PIP5K1C: variants seen among roughly 807,000 people sequenced by gnomAD.
PIP5K1C encodes the protein phosphatidylinositol-4-phosphate 5-kinase type 1 gamma, also known as phosphatidylinositol 4-phosphate 5-kinase type-1 gamma.
A neutral mutation model predicts 80.1 loss-of-function variants in PIP5K1C; 45 were observed. That is an observed-to-expected ratio of 0.56 (90% CI 0.44 to 0.72). PIP5K1C has a LOEUF of 0.72. Among genes scored for constraint, PIP5K1C ranks in the 30% least tolerant of loss-of-function variants. The pLI is 0.00. For synonymous variants in PIP5K1C, 498 were observed against 420.1 expected, an observed-to-expected ratio of 1.19 and a Z score of -2.27; for missense variants, 753 against 954.6, an observed-to-expected ratio of 0.79 and a Z score of 2.78.
chr19:3,679,540 G>A (rs901247190), intron 1 of PIP5K1C, among the ~76,000 whole-genome samples: 3 of 152,180 alleles, frequency 2.0e-5, no homozygotes, highest in African/African-American at 4.8e-5. Flanking sequence ...CTCGTTCACG[G>A]TTGCTCTCCC....
chr19:3,653,241 C>T (rs374049120), intron 7 of PIP5K1C, 49 bp downstream of exon 7: 23 of 1,565,600 alleles, frequency 1.5e-5, no homozygotes, highest in Admixed American at 5.0e-5. Context: ...GCCCTCACCA[C>T]GCAGTCCCAC....
chr19:3,664,150 A>G (rs1239928059), intron 3 of PIP5K1C, among the ~76,000 whole-genome samples: 3 of 152,300 alleles, frequency 2.0e-5, no homozygotes, highest in African/African-American at 7.2e-5. Context: ...TTCCACTTCT[A>G]TGACACGTCC....
intron 1 of PIP5K1C, among the ~76,000 whole-genome samples, chr19:3,686,219 C>T (rs576106161): frequency 6.6e-6 from 1 of 152,050 alleles, no homozygotes; most frequent in African/African-American, 2.4e-5. Context: ...TGACTGACAC[C>T]GGTAATCCTA....
Position 3,700,345 on chromosome 19 carries a change from C to G in PIP5K1C, c.46G>C (p.Ala16Pro). Residue 16 changes from alanine (A) to proline (P), a missense_variant, in exon 1 of 18, where the codon GCC becomes CCC. Transcript: ENST00000335312. Reference protein sequence around the residue: ...PDEAESAEAGAVPSEAAWAAE... With the variant: ...PDEAESAEAGPVPSEAAWAAE... The stretch of plus-strand genomic sequence containing the variant: ...GCCCACGCCGCCTCCGAGGGCACGG[C>G]CCCCGCCTCAGCGCTCTCCGCCTCG... The G allele has an allele frequency of 7.7e-7, 1 of 1,295,470 alleles. No individual in the cohort carries two copies. Among genetic ancestry groups the G allele is most frequent in the African/African-American group, 1.6e-5 (1 of 63,794 alleles). 80.2% of individuals were successfully genotyped at this position (1,295,470 alleles called of 1,614,324 possible).
chr19:3,647,379 T>C lies in PIP5K1C; in HGVS notation c.1219A>G (p.Lys407Glu), dbSNP rs868107431. ...IDILQSYRFIKKLEHTWKALV... is the reference protein window; with the variant it reads ...IDILQSYRFIEKLEHTWKALV... ...GCCTTCCAGGTGTGCTCCAGTTTCT[T>C]GATGAACCTGTGGAGAGAGCACCCG... is the stretch of plus-strand genomic sequence containing the variant. Residue 407 changes from lysine (K) to glutamate (E), a missense_variant, in exon 10 of 18, where the codon AAG (lysine) becomes GAG (glutamate). By Grantham distance (56) the Lys-to-Glu change is moderately conservative (BLOSUM62 1). Around this residue, in one of 6 missense-constraint regions of PIP5K1C, gnomAD observed 114 missense variants for 152.4 expected, o/e 0.75. Coordinates refer to ENST00000335312, the MANE Select transcript of PIP5K1C (RefSeq NM_012398.3). The C allele has an allele frequency of 6.3e-7, 1 of 1,583,354 alleles. No homozygotes were observed. Among genetic ancestry groups the C allele is most frequent in the Non-Finnish European group, 8.6e-7 (1 of 1,163,720 alleles).
chr19:3,653,890 G>A (rs775714855), intron 6 of PIP5K1C, among the ~76,000 whole-genome samples: 1 of 152,206 alleles, frequency 6.6e-6, no homozygotes, highest in African/African-American at 2.4e-5. Flanking sequence ...CACAGACATC[G>A]CCCTGGCTGG....
intron 16 of PIP5K1C, chr19:3,636,974 A>C: frequency 2.0e-6 from 2 of 1,021,542 alleles, no homozygotes; most frequent in Admixed American, 5.1e-5. Context: ...CTGGATTTTG[A>C]CTAAACCGTG....
At position 3,682,898 on chromosome 19, in the gene PIP5K1C, G is replaced by A. The variant is rs149403564; in HGVS notation, c.95-15545C>T. Among the ~76,000 whole-genome samples, 702 of 151,882 alleles carry A rather than the reference G, an allele frequency of 4.6e-3. 4 individuals carry two copies. The highest frequency in any genetic ancestry group is 5.1e-3 in the Non-Finnish European group (348 of 67,946). On this transcript the variant is annotated intron_variant, in intron 1 of 17. Transcript: ENST00000335312. ...GGTCACAGATGTTGCCTCAATGAAC[G>A]TTTGCTGGACAGAGGCCCAGATGGA...
intron 12 of PIP5K1C, 69 bp from the exon 13 acceptor site, chr19:3,643,450 G>C: frequency 6.3e-7 from 1 of 1,592,604 alleles, no homozygotes; most frequent in Non-Finnish European, 8.6e-7. Flanking sequence ...GATTCTCCCT[G>C]AGGCTTGGCT....
chr19:3,671,765 G>A (rs1030753780), intron 1 of PIP5K1C, among the ~76,000 whole-genome samples: 1 of 152,180 alleles, frequency 6.6e-6, no homozygotes, highest in Non-Finnish European at 1.5e-5. Context: ...GGGCAGGTGA[G>A]CGCCATCTTC....
intron 1 of PIP5K1C, among the ~76,000 whole-genome samples, chr19:3,687,789 C>A (rs149907525): frequency 6.6e-6 from 1 of 152,176 alleles, no homozygotes; most frequent in South Asian, 2.1e-4. Flanking sequence ...TTCTCCCTGC[C>A]GGGTGCTCCC....
At chr19:3,674,747 C>T (rs897963360) in intron 1 of PIP5K1C, among the ~76,000 whole-genome samples, 13 of 152,170 alleles carry the variant, frequency 8.5e-5, no homozygotes, top group African/African-American at 1.4e-4. Context: ...GTGATCTGCC[C>T]GCCTTGGCCT....
At chr19:3,653,762 C>T (rs1021664263) in intron 6 of PIP5K1C, among the ~76,000 whole-genome samples, 173 bp from the exon 7 acceptor site, 2 of 152,192 alleles carry the variant, frequency 1.3e-5, no homozygotes, top group African/African-American at 4.8e-5. Flanking sequence ...GGCCTTCCCA[C>T]GGCACCCTGA....
Position 3,651,955 on chromosome 19 carries a change from C to G in PIP5K1C, c.998G>C (p.Arg333Pro). ...GGTGCTCTGGGCGCCCTGCGCCTGC[C>G]GCTCGCGCTCGTGCTGGTCGATGTT... Reference protein sequence around the residue: ...VHNIDQHERERQAQGAQSTSD... With the variant: ...VHNIDQHEREPQAQGAQSTSD... The change falls in exon 8 of 18, where the codon CGG becomes CCG. Residue 333 changes from arginine (R) to proline (P), a missense_variant. By Grantham distance (103) the Arg-to-Pro change is moderately radical (BLOSUM62 -2). Coordinates refer to ENST00000335312, the MANE Select transcript of PIP5K1C (RefSeq NM_012398.3). 1 of 1,613,048 alleles carries G rather than the reference C, an allele frequency of 6.2e-7. No homozygotes were observed.
intron 5 of PIP5K1C, among the ~76,000 whole-genome samples, chr19:3,657,668 C>G (rs2034682018): frequency 6.6e-6 from 1 of 151,950 alleles, no homozygotes; most frequent in East Asian, 1.9e-4. Flanking sequence ...TCACCCAGCA[C>G]TCTGTAATCC....
intron 5 of PIP5K1C, among the ~76,000 whole-genome samples, chr19:3,659,960 T>A (rs1001401396): frequency 3.9e-5 from 6 of 152,158 alleles, no homozygotes; most frequent in African/African-American, 1.4e-4. Flanking sequence ...CGCACTTGTC[T>A]ACAGAGTTCC....
chr19:3,636,575 C>A (rs959849642), intron 16 of PIP5K1C: 5 of 985,470 alleles, frequency 5.1e-6, no homozygotes, highest in East Asian at 1.1e-4. Context: ...TCCCAGCAGG[C>A]CCCTCTGGGC....
chr19:3,644,380 G>A, intron 11 of PIP5K1C, 129 bp from the exon 12 acceptor site: 3 of 906,344 alleles, frequency 3.3e-6, no homozygotes, highest in Non-Finnish European at 3.3e-6. Flanking sequence ...CCTGAGGCCA[G>A]GAAGCACCAC....
rs913263980 is a variant in PIP5K1C at position 3,696,274 on chromosome 19, C to A, written c.94+4023G>T. 1.3e-5 allele frequency among the ~76,000 whole-genome samples: 2 copies of A among 152,258 alleles called. No individual in the cohort carries two copies. The highest frequency in any genetic ancestry group is 6.5e-5 in the Admixed American group (1 of 15,290). On this transcript the variant is annotated intron_variant, in intron 1 of 17. Transcript: ENST00000335312. This position sits in a 1 kb window ranked among gnomAD's most constrained non-coding sequence, Gnocchi z 4.1. The stretch of plus-strand genomic sequence containing the variant: ...CCTCCCTGGCACTGCTGGCCTCATG[C>A]ACCTGATGTTCACCAGGATCTGCAC...
Sources: allele counts gnomAD v4.1 joint callset (sites outside exome capture counted in the v4.1 genomes callset), GRCh38; gene constraint gnomAD v4.1.1; regional missense constraint gnomAD v4.1.1; non-coding constraint Gnocchi (gnomAD v3.1); transcripts MANE v1.5; gene names NCBI Gene and HGNC (gene_info 2026-07-23, HGNC 2026-07-21).